The following CXCL13 variants were observed in gnomAD, a reference collection of about 807,000 sequenced individuals.
The protein encoded by CXCL13 is C-X-C motif chemokine 13.
Under a neutral mutation model 12.2 loss-of-function variants are expected in CXCL13, and 7 were observed. The ratio of observed to expected loss-of-function variants is 0.57; its 90% confidence interval spans 0.33 to 1.07. The LOEUF (loss-of-function observed/expected upper bound fraction) is 1.07. Ranked by LOEUF, CXCL13 falls within the 50% of genes least tolerant of loss-of-function variation. The pLI is 0.04. For missense variants in CXCL13, 113 were observed against 127.4 expected (o/e 0.89, Z 0.55); for synonymous variants, 47 against 42.4 (o/e 1.11, Z -0.42).
At chr4:77,520,541 C>A (rs374999338) in intron 1 of CXCL13, among the ~76,000 whole-genome samples, 3 of 152,164 alleles carry the variant, frequency 2.0e-5, no homozygotes, top group African/African-American at 7.2e-5. Flanking sequence ...TATAGAAATG[C>A]TTGTGATTTT....
At position 77,595,497 on chromosome 4, in the gene CXCL13, G is replaced by T. The variant is rs1002790959; in HGVS notation, c.-42-10327G>T. On this transcript the variant is annotated intron_variant, in intron 1 of 4. Coordinates refer to the CXCL13 transcript ENST00000286758. ...GATTTAGTTCACTTTTGGACCCTGA[G>T]TAAAATTGAACCATGCGGGAAGATC... Among the ~76,000 whole-genome samples the T allele has an allele frequency of 4.4e-4, 67 of 152,186 alleles. 1 individual carries two copies. Among genetic ancestry groups the T allele is most frequent in the Admixed American group, 1.3e-4 (2 of 15,276 alleles).
intron 1 of CXCL13, among the ~76,000 whole-genome samples, chr4:77,542,537 A>G (rs573548133): frequency 1.4e-3 from 217 of 152,252 alleles, no homozygotes; most frequent in African/African-American, 5.0e-3. Flanking sequence ...TCATGATCCA[A>G]TCACCTTCCA....
chr4:77,594,591 G>C (rs559838381), intron 1 of CXCL13, among the ~76,000 whole-genome samples: 2 of 152,264 alleles, frequency 1.3e-5, no homozygotes, highest in East Asian at 3.9e-4. Context: ...GGGCTCTGTT[G>C]ACAGGCAGCT....
At chr4:77,597,250 T>A (rs1726788368) in intron 1 of CXCL13, among the ~76,000 whole-genome samples, 1 of 152,214 alleles carries the variant, frequency 6.6e-6, no homozygotes, top group Non-Finnish European at 1.5e-5. Flanking sequence ...AGATTGAAGC[T>A]CTGTAGACTT....
intron 1 of CXCL13, among the ~76,000 whole-genome samples, chr4:77,523,529 C>G (rs1724673752): frequency 6.6e-6 from 1 of 152,174 alleles, no homozygotes. Flanking sequence ...GCATGCATCA[C>G]GAAGTTCTCG....
chr4:77,565,048 G>A (rs1725894701), intron 1 of CXCL13, among the ~76,000 whole-genome samples: 3 of 152,134 alleles, frequency 2.0e-5, no homozygotes, highest in Non-Finnish European at 4.4e-5. Context: ...TCTTCAAACT[G>A]TTCTACTGAT....
chr4:77,610,665 G>T lies in CXCL13; in HGVS notation c.249G>T (p.Trp83Cys). The T allele has an allele frequency of 6.2e-7, 1 of 1,613,338 alleles. No homozygotes were observed. Among genetic ancestry groups the T allele is most frequent in the Non-Finnish European group, 8.5e-7 (1 of 1,179,244 alleles). The change falls in exon 3 of 4, where the codon TGG becomes TGT. Residue 83 changes from tryptophan (W) to cysteine (C), a missense_variant. Coordinates refer to ENST00000682537, the MANE Select transcript of CXCL13 (RefSeq NM_001371558.1). ...TGTGTGTGGACCCTCAAGCTGAATGGATACAAAGAATGATGGAAGTATTGA... is the reference window on the plus strand; with the variant it reads ...TGTGTGTGGACCCTCAAGCTGAATGTATACAAAGAATGATGGAAGTATTGA... ...SIVCVDPQAE[W>C]IQRMMEVLRK...
intron 1 of CXCL13, among the ~76,000 whole-genome samples, chr4:77,526,840 A>G (rs1481379404): frequency 2.0e-5 from 3 of 152,164 alleles, no homozygotes; most frequent in Non-Finnish European, 4.4e-5. Flanking sequence ...GCTGAGACCC[A>G]AAGCCAAGAA....
chr4:77,610,687 T>C lies in CXCL13; in HGVS notation c.271T>C (p.Leu91=), dbSNP rs1727124495. The C allele has an allele frequency of 6.2e-7, 1 of 1,611,222 alleles. No homozygotes were observed. The highest frequency in any genetic ancestry group is 8.5e-7 in the Non-Finnish European group (1 of 1,177,450). ...AEWIQRMMEV[L]RKRSSSTLPV... is the part of the protein sequence containing the mutation. The stretch of plus-strand genomic sequence containing the variant: ...ATGGATACAAAGAATGATGGAAGTA[T>C]TGAGAAAGTAAGTTAGGCATAACAA... Residue 91 remains leucine, a synonymous_variant, in exon 3 of 4, where the codon TTG becomes CTG. Transcript: ENST00000682537.
intron 1 of CXCL13, among the ~76,000 whole-genome samples, chr4:77,553,106 C>A (rs988311941): frequency 6.6e-6 from 1 of 152,120 alleles, no homozygotes; most frequent in Non-Finnish European, 1.5e-5. Flanking sequence ...GATTGGTGTA[C>A]CCAGCAATGA....
upstream of CXCL13, among the ~76,000 whole-genome samples, chr4:77,602,826 A>G (rs1391527398): frequency 6.6e-6 from 1 of 152,124 alleles, no homozygotes; most frequent in African/African-American, 2.4e-5. Flanking sequence ...TCTTCTTGTC[A>G]TCAGAGTTTT....
intron 1 of CXCL13, among the ~76,000 whole-genome samples, chr4:77,547,544 A>C (rs1157951328): frequency 2.6e-5 from 4 of 152,066 alleles, no homozygotes; most frequent in African/African-American, 7.2e-5. Flanking sequence ...ATCAGAGACT[A>C]GGATTGCAAC....
chr4:77,568,712 G>A lies in CXCL13; in HGVS notation c.-42-37112G>A, dbSNP rs142281552. ...AGGATCTTCACTGGCTGATACTTGG[G>A]TATTTTGGGCTTTTCGGCATTTGGT... On this transcript the variant is annotated intron_variant, in intron 1 of 4. Transcript: ENST00000286758. Among the ~76,000 whole-genome samples the A allele has an allele frequency of 4.7e-4, 72 of 152,168 alleles. No homozygotes were observed. In the Middle Eastern group the frequency reaches 0.017, roughly 36 times the overall value.
At position 77,611,728 on chromosome 4, in the gene CXCL13, G is replaced by C. The variant is rs1727161396; in HGVS notation, c.*689G>C. The C allele has an allele frequency of 2.6e-6, 1 of 391,990 alleles. No individual in the cohort carries two copies. The highest frequency in any genetic ancestry group is 2.2e-5 in the African/African-American group (1 of 45,710). 24.3% of individuals were successfully genotyped at this position (391,990 alleles called of 1,614,324 possible). On this transcript the variant is annotated 3_prime_UTR_variant, in exon 4 of 4. Transcript: ENST00000682537. Reference sequence around the variant, plus strand: ...TTCTTTCACTCACATCTTTTTCACTGACTTTTTTTGTGGGGGGCGGGGCCG... The same window carrying C: ...TTCTTTCACTCACATCTTTTTCACTCACTTTTTTTGTGGGGGGCGGGGCCG...
intron 1 of CXCL13, among the ~76,000 whole-genome samples, chr4:77,513,861 T>G (rs1240798983): frequency 6.6e-6 from 1 of 151,806 alleles, no homozygotes; most frequent in African/African-American, 2.4e-5. Flanking sequence ...ATGTGCAGGT[T>G]AGTTACATAT....
chr4:77,610,607 C>A lies in CXCL13; in HGVS notation c.198-7C>A. The A allele has an allele frequency of 6.3e-7, 1 of 1,598,740 alleles. No homozygotes were observed. Among genetic ancestry groups the A allele is most frequent in the Non-Finnish European group, 8.6e-7 (1 of 1,166,184 alleles). ...GACTGAATTATTTAATTTTTATTTT[C>A]CCCCAGAGTCTGGAAGAAGAACAAG... On this transcript the variant is annotated splice_region_variant and splice_polypyrimidine_tract_variant and intron_variant, in intron 2 of 3. Transcript: ENST00000682537.
chr4:77,513,893 G>A (rs1044754115), intron 1 of CXCL13, among the ~76,000 whole-genome samples: 27 of 151,160 alleles, frequency 1.8e-4, no homozygotes, highest in African/African-American at 6.3e-4. Flanking sequence ...ACATACTGGT[G>A]TGCTGCAACC....
At chr4:77,572,592 T>C (rs1011627428) in intron 1 of CXCL13, among the ~76,000 whole-genome samples, 2 of 151,696 alleles carry the variant, frequency 1.3e-5, no homozygotes, top group Non-Finnish European at 2.9e-5. Context: ...AAAAAATAGA[T>C]GTTCGTGAGG....
intron 1 of CXCL13, among the ~76,000 whole-genome samples, chr4:77,555,355 G>T (rs1473579985): frequency 6.6e-6 from 1 of 151,902 alleles, no homozygotes; most frequent in East Asian, 1.9e-4. Flanking sequence ...AACATAAAAA[G>T]AAACAGGGAA....
Sources: allele counts gnomAD v4.1 joint callset (sites outside exome capture counted in the v4.1 genomes callset), GRCh38; gene constraint gnomAD v4.1.1; transcripts MANE v1.5; gene names NCBI Gene and HGNC (gene_info 2026-07-23, HGNC 2026-07-21).